Variants in SMOC2 observed in about 807,000 individuals in gnomAD.
SMOC2 encodes SPARC-related modular calcium-binding protein 2.
Under a neutral mutation model 61.4 loss-of-function variants are expected in SMOC2, and 39 were observed. That is an observed-to-expected ratio of 0.64 (90% CI 0.49 to 0.83). The LOEUF is 0.83. Ranked by LOEUF, SMOC2 falls within the 40% of genes least tolerant of loss-of-function variation. The pLI, the probability that SMOC2 is intolerant of heterozygous loss-of-function variation, is 0.00. For missense variants in SMOC2, 556 were observed against 592.9 expected (o/e 0.94, Z 0.65); for synonymous variants, 247 against 239.9 (o/e 1.03, Z -0.27).
chr6:168,551,784 A>G (rs1784135820), intron 7 of SMOC2, among the ~76,000 whole-genome samples: 1 of 152,184 alleles, frequency 6.6e-6, no homozygotes. Context: ...TTTTTAAGCC[A>G]ATGTAACCAT....
At chr6:168,576,467 A>C (rs1784807469) in intron 7 of SMOC2, among the ~76,000 whole-genome samples, 1 of 152,128 alleles carries the variant, frequency 6.6e-6, no homozygotes, top group Non-Finnish European at 1.5e-5. Context: ...GCAAGGCCAG[A>C]GAACACCTTA....
At chr6:168,497,579 C>T (rs1782622479) in intron 1 of SMOC2, among the ~76,000 whole-genome samples, 1 of 152,078 alleles carries the variant, frequency 6.6e-6, no homozygotes. Flanking sequence ...AAGCAGGTTC[C>T]TAGGAGTCCT....
intron 9 of SMOC2, among the ~76,000 whole-genome samples, chr6:168,650,322 A>T (rs2115272769): frequency 6.6e-6 from 1 of 152,244 alleles, no homozygotes; most frequent in East Asian, 1.9e-4. Context: ...GGCCAGCCTC[A>T]TGTGCTCTCA....
chr6:168,465,819 C>T (rs1181892598), intron 1 of SMOC2, among the ~76,000 whole-genome samples: 2 of 121,832 alleles, frequency 1.6e-5, no homozygotes, highest in African/African-American at 6.6e-5. Context: ...AGGTGCTGCT[C>T]TGAGAGCTGG....
At chr6:168,512,200 C>T (rs183824110) in intron 2 of SMOC2, among the ~76,000 whole-genome samples, 1 of 152,140 alleles carries the variant, frequency 6.6e-6, no homozygotes. Context: ...GTGCTGGATC[C>T]CGGAATTTGC....
intron 9 of SMOC2, among the ~76,000 whole-genome samples, chr6:168,638,861 T>C (rs1428401698): frequency 6.6e-6 from 1 of 152,164 alleles, no homozygotes; most frequent in Non-Finnish European, 1.5e-5. Flanking sequence ...GACAGAGGGC[T>C]GAGCTGACGT....
chr6:168,543,582 A>G, intron 4 of SMOC2, 43 bp from the exon 5 acceptor site: 1 of 1,561,024 alleles, frequency 6.4e-7, no homozygotes, highest in East Asian at 2.2e-5. Flanking sequence ...GCCATTTAAG[A>G]GTCCAAAATA....
At chr6:168,644,703 G>A (rs1251832031) in intron 9 of SMOC2, among the ~76,000 whole-genome samples, 1 of 138,128 alleles carries the variant, frequency 7.2e-6, no homozygotes, top group Non-Finnish European at 1.5e-5. Flanking sequence ...AGGCTGGAGT[G>A]CAGTGGTACG....
At chr6:168,532,436 C>G (rs573573665) in intron 4 of SMOC2, among the ~76,000 whole-genome samples, 8 of 152,254 alleles carry the variant, frequency 5.3e-5, no homozygotes, top group African/African-American at 7.2e-5. Context: ...CACCCTCCCC[C>G]CCTCCCCCAC....
At chr6:168,616,501 A>G (rs914613867) in intron 9 of SMOC2, among the ~76,000 whole-genome samples, 4 of 152,208 alleles carry the variant, frequency 2.6e-5, no homozygotes, top group African/African-American at 9.6e-5. Context: ...ACTCAGCCTC[A>G]TGGGTAGGGC....
At chr6:168,484,117 G>A (rs568319549) in intron 1 of SMOC2, among the ~76,000 whole-genome samples, 2 of 152,082 alleles carry the variant, frequency 1.3e-5, no homozygotes, top group Non-Finnish European at 2.9e-5. Context: ...TTCAAAAATT[G>A]GTGTATCAAA....
rs142682599 is a variant in SMOC2 at position 168,464,045 on chromosome 6, G to A, written c.84+22591G>A. Among the ~76,000 whole-genome samples the A allele has an allele frequency of 6.2e-3, 945 of 152,058 alleles. 9 individuals carry two copies. The highest frequency in any genetic ancestry group is 0.021 in the African/African-American group (878 of 41,468). ...GTCTCTACTAAAATTACAAAAATTC[G>A]CCAAGTGTGGTGGTGCACGCCTATA... On this transcript the variant is annotated intron_variant, in intron 1 of 12. Transcript: ENST00000356284.
intron 1 of SMOC2, among the ~76,000 whole-genome samples, chr6:168,457,380 C>A (rs984910782): frequency 6.6e-6 from 1 of 152,146 alleles, no homozygotes; most frequent in Non-Finnish European, 1.5e-5. Flanking sequence ...AAGCAGTGCC[C>A]GAGGGGCTGG....
At chr6:168,458,681 C>T (rs368976169) in intron 1 of SMOC2, among the ~76,000 whole-genome samples, 3 of 152,092 alleles carry the variant, frequency 2.0e-5, no homozygotes, top group African/African-American at 4.8e-5. Context: ...TCTTCCTGCT[C>T]GAGATGTGAA....
chr6:168,540,458 A>G (rs1386775839), intron 4 of SMOC2, among the ~76,000 whole-genome samples: 1 of 152,166 alleles, frequency 6.6e-6, no homozygotes, highest in Non-Finnish European at 1.5e-5. Context: ...TTGCTCTGCT[A>G]GGTCCATTCA....
intron 1 of SMOC2, among the ~76,000 whole-genome samples, chr6:168,497,478 G>A (rs1295191395): frequency 2.0e-5 from 3 of 149,844 alleles, no homozygotes; most frequent in African/African-American, 7.3e-5. Context: ...GAATGCGGAT[G>A]GAGGTGGGGG....
intron 7 of SMOC2, among the ~76,000 whole-genome samples, chr6:168,581,848 A>G (rs911062476): frequency 1.3e-5 from 2 of 151,612 alleles, no homozygotes; most frequent in Non-Finnish European, 2.9e-5. Context: ...TTTCCCACAC[A>G]TGGGGCCTGC....
chr6:168,624,003 C>T (rs1326146088), intron 9 of SMOC2, among the ~76,000 whole-genome samples: 2 of 152,214 alleles, frequency 1.3e-5, no homozygotes, highest in African/African-American at 4.8e-5. Flanking sequence ...GCTCCTGCAG[C>T]TCAGGGGCGC....
At chr6:168,613,959 A>G (rs1276695518) in intron 9 of SMOC2, among the ~76,000 whole-genome samples, 1 of 71,664 alleles carries the variant, frequency 1.4e-5, no homozygotes, top group Non-Finnish European at 2.9e-5. Flanking sequence ...TCACACCTAC[A>G]GCCAGCACAG....
Sources: allele counts gnomAD v4.1 joint callset (sites outside exome capture counted in the v4.1 genomes callset), GRCh38; gene constraint gnomAD v4.1.1; transcripts MANE v1.5; gene names NCBI Gene and HGNC (gene_info 2026-07-23, HGNC 2026-07-21).